The following HCN1 variants were observed in gnomAD, a reference collection of about 807,000 sequenced individuals.
The protein encoded by HCN1 is potassium/sodium hyperpolarization-activated cyclic nucleotide-gated channel 1.
HCN1 carries 13 observed loss-of-function variants against 78.9 expected under a neutral mutation model. That is an observed-to-expected ratio of 0.16 (90% CI 0.11 to 0.26). HCN1 has a LOEUF of 0.26. HCN1 is among the 10% of genes least tolerant of loss of function. HCN1 has a pLI of 1.00. For synonymous variants in HCN1, 552 were observed against 455.5 expected, an observed-to-expected ratio of 1.21 and a Z score of -2.70; for missense variants, 810 against 1,154.3, an observed-to-expected ratio of 0.70 and a Z score of 4.32.
At chr5:45,497,207 G>A (rs1274428720) in intron 2 of HCN1, among the ~76,000 whole-genome samples, 3 of 152,192 alleles carry the variant, frequency 2.0e-5, no homozygotes, top group Non-Finnish European at 4.4e-5. Flanking sequence ...TTCTGTAGAT[G>A]TCTATTAGGT....
chr5:45,477,128 C>T (rs1741535320), intron 2 of HCN1, among the ~76,000 whole-genome samples: 1 of 151,974 alleles, frequency 6.6e-6, no homozygotes, highest in South Asian at 2.1e-4. Flanking sequence ...TTGTATTATA[C>T]CATGATTTCT....
chr5:45,628,408 A>C (rs1745208544), intron 2 of HCN1, among the ~76,000 whole-genome samples: 1 of 152,122 alleles, frequency 6.6e-6, no homozygotes, highest in Non-Finnish European at 1.5e-5. Flanking sequence ...TCAAAAAATC[A>C]CCTACTTAAA....
intron 1 of HCN1, among the ~76,000 whole-genome samples, chr5:45,669,773 A>G (rs1444533938): frequency 6.6e-6 from 1 of 151,876 alleles, no homozygotes; most frequent in Non-Finnish European, 1.5e-5. Context: ...ACTGAAGAAC[A>G]AATTGCAAAC....
chr5:45,460,528 G>A (rs766877643), intron 3 of HCN1, among the ~76,000 whole-genome samples: 1 of 151,952 alleles, frequency 6.6e-6, no homozygotes, highest in African/African-American at 2.4e-5. Flanking sequence ...ATTCTGGTGT[G>A]GGGAACACAG....
At chr5:45,298,656 T>C (rs1745547519) in intron 6 of HCN1, among the ~76,000 whole-genome samples, 1 of 152,136 alleles carries the variant, frequency 6.6e-6, no homozygotes, top group African/African-American at 2.4e-5. Flanking sequence ...TATAAATCAA[T>C]AAATAATGAA....
intron 5 of HCN1, among the ~76,000 whole-genome samples, chr5:45,313,719 T>G (rs1354962785): frequency 6.6e-6 from 1 of 152,112 alleles, no homozygotes; most frequent in African/African-American, 2.4e-5. Flanking sequence ...AAGGGACGAA[T>G]GCACAAGCTT....
chr5:45,300,321 C>G (rs1463959551), intron 6 of HCN1, among the ~76,000 whole-genome samples: 5 of 151,932 alleles, frequency 3.3e-5, no homozygotes, highest in Admixed American at 3.3e-4. Context: ...GCTAGGCAAG[C>G]CCATTTATAG....
intron 4 of HCN1, among the ~76,000 whole-genome samples, chr5:45,371,170 A>G (rs1302938692): frequency 6.6e-6 from 1 of 152,198 alleles, no homozygotes; most frequent in Non-Finnish European, 1.5e-5. Flanking sequence ...CCCACATTGA[A>G]AAGTTAGAAA....
chr5:45,350,671 G>A (rs1315251627), intron 5 of HCN1, among the ~76,000 whole-genome samples: 2 of 150,942 alleles, frequency 1.3e-5, no homozygotes, highest in African/African-American at 4.9e-5. Flanking sequence ...AGCAACTTCA[G>A]CAAAGTCTCA....
chr5:45,455,628 G>A (rs1741013611), intron 3 of HCN1, among the ~76,000 whole-genome samples: 1 of 151,792 alleles, frequency 6.6e-6, no homozygotes, highest in African/African-American at 2.4e-5. Flanking sequence ...GCAGATTTAG[G>A]GGTTGAGGTA....
At chr5:45,318,151 A>T (rs1478412882) in intron 5 of HCN1, among the ~76,000 whole-genome samples, 1 of 152,210 alleles carries the variant, frequency 6.6e-6, no homozygotes. Flanking sequence ...AATAGCAAAG[A>T]CTTGGAAACA....
At chr5:45,583,726 T>C (rs1309077170) in intron 2 of HCN1, among the ~76,000 whole-genome samples, 1 of 152,210 alleles carries the variant, frequency 6.6e-6, no homozygotes, top group Non-Finnish European at 1.5e-5. Flanking sequence ...GTGTGTTGTG[T>C]CTTTGTTCTC....
intron 2 of HCN1, among the ~76,000 whole-genome samples, chr5:45,480,590 C>G (rs748216052): frequency 2.2e-4 from 33 of 152,030 alleles, no homozygotes; most frequent in Non-Finnish European, 4.0e-4. Flanking sequence ...GAAGGGAGGA[C>G]AGAGATCATA....
chr5:45,443,101 T>A (rs1740715686), intron 3 of HCN1, among the ~76,000 whole-genome samples: 1 of 152,080 alleles, frequency 6.6e-6, no homozygotes, highest in South Asian at 2.1e-4. Context: ...TTCTTTCCCA[T>A]CATGTTAAAT....
At chr5:45,658,971 C>A (rs1266802012) in intron 1 of HCN1, among the ~76,000 whole-genome samples, 2 of 148,310 alleles carry the variant, frequency 1.3e-5, no homozygotes, top group African/African-American at 5.0e-5. Flanking sequence ...GGAGGCCTGC[C>A]TGCCTCTGTA....
chr5:45,478,809 ATAAGTAAAAG>A (rs1741580415), intron 2 of HCN1, among the ~76,000 whole-genome samples: 1 of 152,104 alleles, frequency 6.6e-6, no homozygotes, highest in East Asian at 1.9e-4. Context: ...ACAATGAGGA[ATAAGTAAAAG>A]TAATAAAGAA....
intron 6 of HCN1, among the ~76,000 whole-genome samples, chr5:45,282,470 T>C (rs1307455630): frequency 6.6e-6 from 1 of 152,216 alleles, no homozygotes; most frequent in Non-Finnish European, 1.5e-5. Flanking sequence ...TAGCTAGATA[T>C]AGTACAAGAG....
chr5:45,422,974 C>A (rs1399510908), intron 3 of HCN1, among the ~76,000 whole-genome samples: 3 of 151,846 alleles, frequency 2.0e-5, no homozygotes, highest in Non-Finnish European at 4.4e-5. Flanking sequence ...TTTGCCTGCA[C>A]AACAAGGTGA....
intron 2 of HCN1, among the ~76,000 whole-genome samples, chr5:45,567,834 C>A (rs964327515): frequency 1.3e-5 from 2 of 151,244 alleles, no homozygotes; most frequent in East Asian, 3.9e-4. Context: ...GATTCAGCCT[C>A]CTTAACATGA....
Sources: allele counts gnomAD v4.1 joint callset (sites outside exome capture counted in the v4.1 genomes callset), GRCh38; gene constraint gnomAD v4.1.1; transcripts MANE v1.5; gene names NCBI Gene and HGNC (gene_info 2026-07-23, HGNC 2026-07-21).